RNF216: variants seen among roughly 807,000 people sequenced by gnomAD.
RNF216 encodes ring finger protein 216.
In RNF216, 72 loss-of-function variants were observed where a neutral mutation model predicts 110.8. The observed-to-expected ratio is 0.65, with a 90% confidence interval of 0.54 to 0.79. The LOEUF (loss-of-function observed/expected upper bound fraction) is 0.79, where lower values mean the gene tolerates loss of function less well. Among genes scored for constraint, RNF216 ranks in the 30% least tolerant of loss-of-function variants. The pLI is 0.00. For missense variants in RNF216, 1,342 were observed against 1,141.2 expected, an observed-to-expected ratio of 1.18 and a Z score of -2.54; for synonymous variants, 495 against 407.5, an observed-to-expected ratio of 1.21 and a Z score of -2.59.
At position 5,741,659 on chromosome 7, in the gene RNF216, C is replaced by T. The variant is rs1794766058; in HGVS notation, c.358G>A (p.Asp120Asn). The T allele has an allele frequency of 6.2e-7, 1 of 1,614,032 alleles. No individual in the cohort carries two copies. The highest frequency in any genetic ancestry group is 1.3e-5 in the African/African-American group (1 of 74,918). Residue 120 changes from aspartate to asparagine, a missense_variant, in exon 4 of 17, where the codon GAT becomes AAT. By Grantham distance (23) the Asp-to-Asn change is conservative. Coordinates refer to ENST00000389902, the MANE Select transcript of RNF216 (RefSeq NM_207111.4). ...YFSVCNNPLF[D>N]SGAQDDSEDD... ...TCAGAATCATCCTGTGCCCCAGAAT[C>T]AAACAATGGGTTGTTACACACTGAA...
chr7:5,737,392 C>T (rs1318690519), intron 5 of RNF216, among the ~76,000 whole-genome samples: 2 of 152,044 alleles, frequency 1.3e-5, no homozygotes, highest in Admixed American at 6.6e-5. Flanking sequence ...TGCGGAAGAC[C>T]CCAGGGTCCT....
At chr7:5,657,488 A>T (rs1584391819) in intron 13 of RNF216, among the ~76,000 whole-genome samples, 1 of 151,948 alleles carries the variant, frequency 6.6e-6, no homozygotes, top group Admixed American at 6.6e-5. Flanking sequence ...AATAGCTTGA[A>T]CCCAGGAGGT....
At chr7:5,679,739 CACT>C (rs57024697) in intron 13 of RNF216, among the ~76,000 whole-genome samples, 4,274 of 152,314 alleles carry the variant, frequency 0.028, 90 homozygotes, top group Admixed American at 0.039. Context: ...AGGCAGGCAC[CACT>C]GAGAGAAGAG....
At chr7:5,647,414 G>A (rs1332785900) in intron 14 of RNF216, among the ~76,000 whole-genome samples, 2 of 147,926 alleles carry the variant, frequency 1.4e-5, no homozygotes, top group Non-Finnish European at 3.0e-5. Context: ...GCTTACTGCG[G>A]CCTCGAACTC....
chr7:5,720,473 T>C (rs1445205781), intron 9 of RNF216, among the ~76,000 whole-genome samples: 1 of 152,260 alleles, frequency 6.6e-6, no homozygotes, highest in African/African-American at 2.4e-5. Flanking sequence ...TAAGGCTTCC[T>C]GTCAACGGTA....
intron 5 of RNF216, among the ~76,000 whole-genome samples, chr7:5,738,690 AGAGT>A (rs1020015942): frequency 1.4e-5 from 2 of 139,302 alleles, no homozygotes; most frequent in Admixed American, 1.5e-4. Context: ...TCTGGGAGAC[AGAGT>A]GAGACTCCGT....
rs1554345704 is a variant in RNF216, at chr7:5,638,649, T to TTG, written c.2382+2504_2382+2505insCA. The stretch of plus-strand genomic sequence containing the variant: ...AAAGCAAGCATTTTTTTTTTTTTTT[T>TTG]GGGGGGGAGACAGGGTCTTGCTCTG... On this transcript the variant is annotated intron_variant, in intron 15 of 16. Transcript: ENST00000389902. 1.9e-3 allele frequency among the ~76,000 whole-genome samples: 289 copies of TTG among 149,822 alleles called. 2 individuals are homozygous for TTG. Among genetic ancestry groups the TTG allele is most frequent in the African/African-American group, 6.4e-3 (259 of 40,552 alleles).
chr7:5,677,363 T>C (rs139308375), intron 13 of RNF216, among the ~76,000 whole-genome samples: 99 of 152,352 alleles, frequency 6.5e-4, no homozygotes, highest in African/African-American at 2.2e-3. Flanking sequence ...ATTATCTCCA[T>C]TGTAAGACTG....
At chr7:5,719,424 T>C (rs1458640979) in intron 9 of RNF216, among the ~76,000 whole-genome samples, 2 of 152,024 alleles carry the variant, frequency 1.3e-5, no homozygotes, top group Admixed American at 6.6e-5. Flanking sequence ...AATTGTTGAG[T>C]CCAGGTCTGA....
At chr7:5,734,061 G>T (rs999887517) in intron 5 of RNF216, among the ~76,000 whole-genome samples, 3 of 152,064 alleles carry the variant, frequency 2.0e-5, no homozygotes, top group Non-Finnish European at 4.4e-5. Flanking sequence ...CTTAGGAGGG[G>T]AAAAAAATCT....
rs1357480000 is a variant in RNF216 at position 5,622,494 on chromosome 7, C to T, written c.*366G>A. Reference sequence around the variant, plus strand: ...GTGGGCCCCTCCAGGGAGATGCTCTCGGCTGCCTTGCTACCCAGGGGTCGG... The same window carrying T: ...GTGGGCCCCTCCAGGGAGATGCTCTTGGCTGCCTTGCTACCCAGGGGTCGG... On this transcript the variant is annotated 3_prime_UTR_variant, in exon 17 of 17. Coordinates refer to ENST00000389902, the MANE Select transcript of RNF216 (RefSeq NM_207111.4). 3.0e-5 allele frequency: 6 copies of T among 197,928 alleles called. No homozygotes were observed. Among genetic ancestry groups the T allele is most frequent in the Non-Finnish European group, 4.1e-5 (4 of 98,230 alleles). 12.3% of individuals were successfully genotyped at this position (197,928 alleles called of 1,614,324 possible).
At chr7:5,699,169 C>T (rs554336895) in intron 13 of RNF216, among the ~76,000 whole-genome samples, 1 of 152,032 alleles carries the variant, frequency 6.6e-6, no homozygotes, top group African/African-American at 2.4e-5. Flanking sequence ...TTATCTATAC[C>T]CTACCTGTTC....
chr7:5,661,248 C>T (rs560385120), intron 13 of RNF216, among the ~76,000 whole-genome samples: 1 of 152,290 alleles, frequency 6.6e-6, no homozygotes, highest in East Asian at 1.9e-4. Context: ...CCCCTGCAGG[C>T]TGTTTTTCGA....
chr7:5,673,261 G>A (rs963400837), intron 13 of RNF216, among the ~76,000 whole-genome samples: 1 of 152,152 alleles, frequency 6.6e-6, no homozygotes, highest in Non-Finnish European at 1.5e-5. Context: ...GCCTCTCCCC[G>A]CCCACCTATC....
chr7:5,766,936 G>C (rs994281854), intron 1 of RNF216: 6 of 152,222 alleles, frequency 3.9e-5, no homozygotes, highest in Admixed American at 2.6e-4. Flanking sequence ...TCCTGTTCCA[G>C]AGGCTAAAAG....
chr7:5,621,897 G>C lies in RNF216; in HGVS notation c.*963C>G, dbSNP rs1032541436. The C allele has an allele frequency of 6.6e-6, 1 of 152,560 alleles. No individual in the cohort carries two copies. The highest frequency in any genetic ancestry group is 1.5e-5 in the Non-Finnish European group (1 of 68,358). 9.5% of individuals were successfully genotyped at this position (152,560 alleles called of 1,614,324 possible). On this transcript the variant is annotated 3_prime_UTR_variant, in exon 17 of 17. Coordinates refer to ENST00000389902, the MANE Select transcript of RNF216 (RefSeq NM_207111.4). ...AGTGACCTTCACATGGGGGATACTG[G>C]ACAGCACCCTCTACCTGCCTTCAGC...
intron 13 of RNF216, among the ~76,000 whole-genome samples, chr7:5,688,479 A>G (rs1019228938): frequency 1.3e-5 from 2 of 152,260 alleles, no homozygotes; most frequent in Non-Finnish European, 1.5e-5. Context: ...TGAATGTGCT[A>G]AGAAATACAG....
chr7:5,691,935 G>A (rs948976205), intron 13 of RNF216, among the ~76,000 whole-genome samples: 7 of 152,338 alleles, frequency 4.6e-5, no homozygotes, highest in Admixed American at 2.0e-4. Context: ...CCCAGGGGCC[G>A]ACAGTCAGGC....
chr7:5,749,285 G>C (rs533969944), intron 3 of RNF216, among the ~76,000 whole-genome samples: 2 of 151,954 alleles, frequency 1.3e-5, no homozygotes, highest in African/African-American at 2.4e-5. Context: ...TGAGTAGCTG[G>C]AATTACAGGC....
Sources: gnomAD v4.1 joint callset for allele counts (sites outside exome capture counted in the v4.1 genomes callset) on GRCh38, gnomAD v4.1.1 for gene constraint, MANE v1.5 for transcripts, NCBI Gene and HGNC (gene_info 2026-07-23, HGNC 2026-07-21) for gene names.